DAB2IP: variants seen among roughly 807,000 people sequenced by gnomAD.
DAB2IP encodes the protein disabled homolog 2-interacting protein.
DAB2IP carries 28 observed loss-of-function variants against 107.2 expected under a neutral mutation model. That is an observed-to-expected ratio of 0.26 (90% CI 0.19 to 0.36). The LOEUF is 0.36. DAB2IP is among the 10% of genes least tolerant of loss of function. The pLI is 1.00. For synonymous variants in DAB2IP, 755 were observed against 706.4 expected, an observed-to-expected ratio of 1.07 and a Z score of -1.09; for missense variants, 1,400 against 1,644.7, an observed-to-expected ratio of 0.85 and a Z score of 2.57.
At chr9:121,637,873 A>G (rs1832145040) in intron 1 of DAB2IP, among the ~76,000 whole-genome samples, 1 of 152,100 alleles carries the variant, frequency 6.6e-6, no homozygotes, top group African/African-American at 2.4e-5. Context: ...CTGAGCAGTG[A>G]CTTGTTTGGG....
At chr9:121,721,565 C>T (rs909758632) in intron 3 of DAB2IP, among the ~76,000 whole-genome samples, 3 of 152,190 alleles carry the variant, frequency 2.0e-5, no homozygotes, top group Non-Finnish European at 4.4e-5. Flanking sequence ...GCCCCTGCAC[C>T]ATGGCACTGG....
intron 2 of DAB2IP, among the ~76,000 whole-genome samples, chr9:121,689,332 A>G (rs1222721369): frequency 1.3e-5 from 2 of 150,824 alleles, no homozygotes; most frequent in Non-Finnish European, 2.9e-5. Flanking sequence ...ACTCCACCCC[A>G]TACCCATGGG....
chr9:121,568,012 G>A (rs559287364), intron 1 of DAB2IP, among the ~76,000 whole-genome samples: 3 of 152,062 alleles, frequency 2.0e-5, no homozygotes, highest in African/African-American at 7.2e-5. Context: ...GCATGGGGGG[G>A]TGGGGCAGCA....
At chr9:121,642,231 C>T (rs1409280179) in intron 1 of DAB2IP, among the ~76,000 whole-genome samples, 1 of 151,406 alleles carries the variant, frequency 6.6e-6, no homozygotes, top group African/African-American at 2.4e-5. Flanking sequence ...CAGGCACACA[C>T]CACCATGCCT....
chr9:121,744,265 T>G (rs1469413174), intron 3 of DAB2IP, among the ~76,000 whole-genome samples: 1 of 151,976 alleles, frequency 6.6e-6, no homozygotes, highest in African/African-American at 2.4e-5. Flanking sequence ...GCCCACTGGG[T>G]GGGGTGGAGG....
At chr9:121,773,800 G>A (rs1474441525) in intron 12 of DAB2IP, among the ~76,000 whole-genome samples, 3 of 152,182 alleles carry the variant, frequency 2.0e-5, no homozygotes, top group Non-Finnish European at 4.4e-5. Context: ...CTGTCGAAGC[G>A]CCTACCCAGC....
chr9:121,721,575 G>A (rs535983425), intron 3 of DAB2IP, among the ~76,000 whole-genome samples: 1 of 152,294 alleles, frequency 6.6e-6, no homozygotes, highest in African/African-American at 2.4e-5. Context: ...CATGGCACTG[G>A]GCATTTGGTG....
At position 121,782,307 on chromosome 9, in the gene DAB2IP, C is replaced by T. The variant is rs759647410; in HGVS notation, c.3403-24C>T. 67 of 1,609,108 alleles carry T rather than the reference C, an allele frequency of 4.2e-5. No homozygotes were observed. The highest frequency in any genetic ancestry group is 6.7e-5 in the Admixed American group (4 of 59,820). On this transcript the variant is annotated intron_variant, in intron 15 of 15. Transcript: ENST00000408936. This position sits in a 1 kb window ranked among gnomAD's most constrained non-coding sequence, Gnocchi z 6.1. ...CCTAAGGAGCCTGTCCCATGACCCCCGCTCACATCCCCATTGTCCACAGGA... is the reference window on the plus strand; with the variant it reads ...CCTAAGGAGCCTGTCCCATGACCCCTGCTCACATCCCCATTGTCCACAGGA...
At chr9:121,758,204 A>C (rs1258033390) in intron 4 of DAB2IP, among the ~76,000 whole-genome samples, 4 of 152,178 alleles carry the variant, frequency 2.6e-5, no homozygotes, top group African/African-American at 9.7e-5. Context: ...CAGTGGAAAC[A>C]CACAGCAGGA....
rs1328284045 is a variant in DAB2IP at position 121,782,948 on chromosome 9, C to G, written c.*450C>G. On this transcript the variant is annotated 3_prime_UTR_variant, in exon 16 of 16. Transcript: ENST00000408936. The surrounding 1 kb of genome is among the most constrained non-coding windows in gnomAD (Gnocchi z 6.1). Reference sequence around the variant, plus strand: ...TCGCCTCCTTGGGGGGCCCGGGACTCCCTGGCAGCCAGGCCCTGTCATGTG... The same window carrying G: ...TCGCCTCCTTGGGGGGCCCGGGACTGCCTGGCAGCCAGGCCCTGTCATGTG... 2 of 1,019,944 alleles carry G rather than the reference C, an allele frequency of 2.0e-6. No individual in the cohort carries two copies. The highest frequency in any genetic ancestry group is 2.4e-6 in the Non-Finnish European group (2 of 850,874). The allele number at this position is 1,019,944 out of a possible 1,614,324, so 63.2% of individuals were successfully genotyped here.
rs1408880733 is a variant in DAB2IP at position 121,736,426 on chromosome 9, C to T, written c.363-20587C>T. On this transcript the variant is annotated intron_variant, in intron 3 of 15. Coordinates refer to ENST00000408936, the Ensembl canonical transcript of DAB2IP. This position sits in a 1 kb window ranked among gnomAD's most constrained non-coding sequence, Gnocchi z 4.6. The stretch of plus-strand genomic sequence containing the variant: ...CCAGGGCCTGCGCGTCCCGCCCGCC[C>T]GGCGTGCCGAAGCGCAGCGGCGGGT... Among the ~76,000 whole-genome samples, 2 of 152,192 alleles carry T rather than the reference C, an allele frequency of 1.3e-5. No individual in the cohort carries two copies. Among genetic ancestry groups the T allele is most frequent in the Non-Finnish European group, 2.9e-5 (2 of 68,026 alleles).
In DAB2IP at chr9:121,604,932, T is replaced by C. The variant is rs541587268; in HGVS notation, c.40+37704T>C. Among the ~76,000 whole-genome samples, 13 of 152,364 alleles carry C rather than the reference T, an allele frequency of 8.5e-5. No individual in the cohort carries two copies. In the East Asian group the frequency reaches 2.3e-3, roughly 27 times the overall value. On this transcript the variant is annotated intron_variant, in intron 1 of 16. Transcript: ENST00000259371. ...AAGTGGAGAGCCTCGCAGTCTGCTC[T>C]GGGCAGGGCTGGCTCTAGCAAGGGA...
In DAB2IP at chr9:121,782,710, G is replaced by C; in HGVS notation, c.*212G>C. 7.1e-7 allele frequency: 1 copy of C among 1,415,608 alleles called. No individual in the cohort carries two copies. The highest frequency in any genetic ancestry group is 1.5e-5 in the South Asian group (1 of 65,538). 87.7% of individuals were successfully genotyped at this position (1,415,608 alleles called of 1,614,324 possible). On this transcript the variant is annotated 3_prime_UTR_variant, in exon 16 of 16. Coordinates refer to ENST00000408936, the Ensembl canonical transcript of DAB2IP. This position sits in a 1 kb window ranked among gnomAD's most constrained non-coding sequence, Gnocchi z 6.1. ...GGCGAGGTCACCAGCCGCTCCCTGT[G>C]GGGTGCGGGCAGAAGAGACTGCACG...
At chr9:121,612,876 C>A (rs764255932) in intron 1 of DAB2IP, among the ~76,000 whole-genome samples, 1 of 152,216 alleles carries the variant, frequency 6.6e-6, no homozygotes, top group Admixed American at 6.5e-5. Flanking sequence ...TCACTTTTCC[C>A]GAGCTTACCC....
rs1013941297 is a variant in DAB2IP at position 121,736,746 on chromosome 9, C to T, written c.363-20267C>T. Among the ~76,000 whole-genome samples the T allele has an allele frequency of 5.3e-5, 8 of 152,192 alleles. No individual in the cohort carries two copies. The highest frequency in any genetic ancestry group is 1.9e-4 in the African/African-American group (8 of 41,454). ...CTGCTCTGGCTGACCTGGCTCAGAC[C>T]AGCTTGAAAAATGCATTCATTCATT... is the stretch of plus-strand genomic sequence containing the variant. On this transcript the variant is annotated intron_variant, in intron 3 of 15. Transcript: ENST00000408936. This position sits in a 1 kb window ranked among gnomAD's most constrained non-coding sequence, Gnocchi z 4.6.
In DAB2IP at chr9:121,641,995, TTCTC is replaced by T. The variant is rs71370683; in HGVS notation, c.41-36649_41-36646del. ...CTCTTTCTTTCTTTCTTTCTTTCCT[TTCTC>T]TCTCTCTCTCTCTCTCTCTCTCTCT... On this transcript the variant is annotated intron_variant, in intron 1 of 16. Coordinates refer to the DAB2IP transcript ENST00000259371. Among the ~76,000 whole-genome samples, 161 of 34,976 alleles carry T rather than the reference TTCTC, an allele frequency of 4.6e-3. 6 individuals are homozygous for T. Among genetic ancestry groups the T allele is most frequent in the East Asian group, 8.3e-3 (9 of 1,078 alleles). The allele number at this position is 34,976 out of a possible 152,430, so 22.9% of individuals were successfully genotyped here.
chr9:121,673,879 T>A (rs879604364), intron 1 of DAB2IP, among the ~76,000 whole-genome samples: 1 of 151,908 alleles, frequency 6.6e-6, no homozygotes, highest in Non-Finnish European at 1.5e-5. Flanking sequence ...GTAAAGGAGG[T>A]CCCATCAGCT....
chr9:121,741,387 G>T (rs1018549690), intron 3 of DAB2IP, among the ~76,000 whole-genome samples: 2 of 152,146 alleles, frequency 1.3e-5, no homozygotes, highest in African/African-American at 4.8e-5. Flanking sequence ...TGGAGGCAGG[G>T]CCCCTCCCGG....
intron 1 of DAB2IP, among the ~76,000 whole-genome samples, chr9:121,612,853 C>A (rs1388185221): frequency 1.3e-5 from 2 of 152,240 alleles, no homozygotes; most frequent in African/African-American, 4.8e-5. Flanking sequence ...TTTCTGCAAA[C>A]AGGATTGCAA....
Sources: allele counts gnomAD v4.1 joint callset (sites outside exome capture counted in the v4.1 genomes callset), GRCh38; gene constraint gnomAD v4.1.1; non-coding constraint Gnocchi (gnomAD v3.1); transcripts MANE v1.5; gene names NCBI Gene and HGNC (gene_info 2026-07-23, HGNC 2026-07-21).